Variants in DDAH1 observed in about 807,000 individuals in gnomAD.
DDAH1 encodes N(G),N(G)-dimethylarginine dimethylaminohydrolase 1.
In DDAH1, 19 loss-of-function variants were observed where a neutral mutation model predicts 28.8. The ratio of observed to expected loss-of-function variants is 0.66; its 90% CI spans 0.46 to 0.97. DDAH1 has a LOEUF of 0.97. DDAH1 is among the 50% of genes least tolerant of loss of function. The pLI is 0.00. For synonymous variants in DDAH1, 153 were observed against 154.4 expected, an observed-to-expected ratio of 0.99 and a Z score of 0.07; for missense variants, 326 against 375.9, an observed-to-expected ratio of 0.87 and a Z score of 1.10.
Position 85,566,431 on chromosome 1 carries a change from G to A in DDAH1, c.-123+11553C>T, listed in dbSNP as rs377154700. Among the ~76,000 whole-genome samples, 1,035 of 150,114 alleles carry A rather than the reference G, an allele frequency of 6.9e-3. 7 individuals carry two copies. The highest frequency in any genetic ancestry group is 0.024 in the African/African-American group (958 of 40,678). On this transcript the variant is annotated intron_variant, in intron 1 of 6. Transcript: ENST00000426972. ...GGCTCGAGCCTGGGAGGTGACAGTT[G>A]CAGTGAGCCAAGATCGCACCACTGC...
intron 1 of DDAH1, among the ~76,000 whole-genome samples, chr1:85,559,899 G>A (rs1228245746): frequency 6.6e-6 from 1 of 151,974 alleles, no homozygotes; most frequent in Non-Finnish European, 1.5e-5. Flanking sequence ...GAAGTAGGAG[G>A]ACAGAACGAG....
intron 1 of DDAH1, among the ~76,000 whole-genome samples, chr1:85,553,276 T>G (rs1658852837): frequency 6.6e-6 from 1 of 152,236 alleles, no homozygotes; most frequent in African/African-American, 2.4e-5. Flanking sequence ...GCCAAACTGC[T>G]GGCCCACAAA....
chr1:85,400,890 C>T (rs1652068766), intron 1 of DDAH1, among the ~76,000 whole-genome samples: 1 of 152,116 alleles, frequency 6.6e-6, no homozygotes, highest in Non-Finnish European at 1.5e-5. Flanking sequence ...TTGATTGGTT[C>T]TACCTTTATT....
intron 1 of DDAH1, among the ~76,000 whole-genome samples, chr1:85,393,338 C>T (rs1651654884): frequency 6.6e-6 from 1 of 152,160 alleles, no homozygotes; most frequent in Non-Finnish European, 1.5e-5. Context: ...AACAAAATTT[C>T]AGTTGTGAGG....
At chr1:85,515,202 C>T (rs1428972816) in intron 1 of DDAH1, among the ~76,000 whole-genome samples, 2 of 148,840 alleles carry the variant, frequency 1.3e-5, no homozygotes, top group South Asian at 2.2e-4. Context: ...CCAGCCTGGC[C>T]AACATGGTGA....
At chr1:85,477,227 T>C (rs1417255542) in intron 2 of DDAH1, among the ~76,000 whole-genome samples, 8 of 152,140 alleles carry the variant, frequency 5.3e-5, no homozygotes, top group Non-Finnish European at 1.2e-4. Flanking sequence ...ATCTATGTGC[T>C]ACAGCTGGAA....
intron 1 of DDAH1, among the ~76,000 whole-genome samples, chr1:85,455,741 G>A (rs1654855012): frequency 6.6e-6 from 1 of 152,078 alleles, no homozygotes; most frequent in African/African-American, 2.4e-5. Flanking sequence ...ACAGTATGTG[G>A]GTCTAGGATC....
intron 1 of DDAH1, among the ~76,000 whole-genome samples, chr1:85,450,194 A>G (rs1654606910): frequency 6.6e-6 from 1 of 152,204 alleles, no homozygotes; most frequent in Non-Finnish European, 1.5e-5. Flanking sequence ...TATCTCTCCA[A>G]TTAAACTACA....
In DDAH1 at chr1:85,414,425, CTGACCACG is replaced by C. The variant is rs536069142; in HGVS notation, c.303+50310_303+50317del. 1.5e-3 allele frequency among the ~76,000 whole-genome samples: 234 copies of C among 152,316 alleles called. 1 individual carries two copies. The highest frequency in any genetic ancestry group is 5.1e-3 in the African/African-American group (214 of 41,568). ...TTAGAAGACAATATAAAGAAAGGAT[CTGACCACG>C]TTAAAATTAAGAGCTCTGGTTCATC... On this transcript the variant is annotated intron_variant, in intron 1 of 5. Coordinates refer to ENST00000284031, the MANE Select transcript of DDAH1 (RefSeq NM_012137.4).
intron 1 of DDAH1, among the ~76,000 whole-genome samples, chr1:85,434,368 T>G (rs1427402865): frequency 6.6e-6 from 1 of 152,170 alleles, no homozygotes; most frequent in Non-Finnish European, 1.5e-5. Context: ...TTTATGTCTA[T>G]TCTTACACTA....
At chr1:85,416,253 T>A (rs1652882001) in intron 1 of DDAH1, among the ~76,000 whole-genome samples, 1 of 151,240 alleles carries the variant, frequency 6.6e-6, no homozygotes, top group Admixed American at 6.6e-5. Context: ...GGTTTTTGTT[T>A]TTTTGGGTTT....
At chr1:85,540,526 G>A (rs936071643) in intron 1 of DDAH1, among the ~76,000 whole-genome samples, 6 of 152,078 alleles carry the variant, frequency 3.9e-5, no homozygotes, top group Admixed American at 6.6e-5. Context: ...TTACGTATAC[G>A]CTTTCTCTCC....
intron 1 of DDAH1, among the ~76,000 whole-genome samples, chr1:85,546,624 T>G (rs1658635703): frequency 1.3e-5 from 2 of 152,068 alleles, no homozygotes; most frequent in South Asian, 4.1e-4. Context: ...CAGAAGCAAA[T>G]GGAAGTAAAT....
chr1:85,321,462 ACTTT>A lies in DDAH1; in HGVS notation c.844_847del (p.Lys282Ter), dbSNP rs1460225372. The stretch of plus-strand genomic sequence containing the variant: ...GGGGGACTCTGCAGCTCAGGAGTCT[ACTTT>A]CTTGTTAATTAAAACTGAGCAGCAG... On this transcript the variant is annotated frameshift_variant, in exon 6 of 6. Transcript: ENST00000284031. LOFTEE classifies it high-confidence loss of function. 6.2e-7 allele frequency: 1 copy of A among 1,612,822 alleles called. No individual in the cohort carries two copies. Among genetic ancestry groups the A allele is most frequent in the South Asian group, 1.1e-5 (1 of 91,042 alleles).
rs1648419115 is a variant in DDAH1 at position 85,340,664 on chromosome 1, T to G, written c.597+9751A>C. ...TGTGCTGTGCAATGGCATCAGCTAG[T>G]TTTATTACTCCTAATCCTTATCCCT... On this transcript the variant is annotated intron_variant, in intron 4 of 5. Transcript: ENST00000284031. Among the ~76,000 whole-genome samples the G allele has an allele frequency of 2.0e-5, 3 of 152,266 alleles. No individual in the cohort carries two copies. The South Asian group carries it at 6.2e-4, about 32-fold the overall frequency.
intron 1 of DDAH1, among the ~76,000 whole-genome samples, chr1:85,389,979 C>T (rs977527720): frequency 1.3e-5 from 2 of 152,154 alleles, no homozygotes; most frequent in Non-Finnish European, 2.9e-5. Flanking sequence ...CAACTTCTAA[C>T]GAAAAACAGA....
intron 1 of DDAH1, among the ~76,000 whole-genome samples, chr1:85,430,871 A>C (rs1336744248): frequency 6.6e-6 from 1 of 152,100 alleles, no homozygotes; most frequent in Admixed American, 6.6e-5. Flanking sequence ...TTCCTATTTG[A>C]ATACCCTTTA....
intron 2 of DDAH1, among the ~76,000 whole-genome samples, chr1:85,489,593 T>C (rs1032908798): frequency 2.6e-5 from 4 of 152,084 alleles, no homozygotes; most frequent in African/African-American, 2.4e-5. Flanking sequence ...CAAGGAGTAT[T>C]TATGAGAATC....
intron 1 of DDAH1, among the ~76,000 whole-genome samples, chr1:85,506,066 A>T (rs920550816): frequency 6.6e-6 from 1 of 152,214 alleles, no homozygotes; most frequent in African/African-American, 2.4e-5. Flanking sequence ...ATCCAGTGGG[A>T]GAAGACAAAC....
Sources: allele counts gnomAD v4.1 joint callset (sites outside exome capture counted in the v4.1 genomes callset), GRCh38; gene constraint gnomAD v4.1.1; transcripts MANE v1.5; gene names NCBI Gene and HGNC (gene_info 2026-07-23, HGNC 2026-07-21).